Variants in EVPL observed in about 807,000 individuals in gnomAD.
The protein encoded by EVPL is 210 kDa cornified envelope precursor protein.
Under a neutral mutation model 129.7 loss-of-function variants are expected in EVPL, and 94 were observed. The observed-to-expected ratio is 0.72, with a 90% confidence interval of 0.61 to 0.86. The LOEUF is 0.86. Among genes scored for constraint, EVPL ranks in the 40% least tolerant of loss-of-function variants. The pLI is 0.00. For missense variants in EVPL, 2,625 were observed against 2,721.1 expected, an observed-to-expected ratio of 0.96 and a Z score of 0.79; for synonymous variants, 1,172 against 1,191.1, an observed-to-expected ratio of 0.98 and a Z score of 0.33.
Position 76,015,252 on chromosome 17 carries a change from A to G in EVPL, c.2003T>C (p.Leu668Pro). 6.2e-7 allele frequency: 1 copy of G among 1,600,728 alleles called. No individual in the cohort carries two copies. The highest frequency in any genetic ancestry group is 8.5e-7 in the Non-Finnish European group (1 of 1,177,640). Residue 668 changes from leucine (L) to proline (P), a missense_variant, in exon 16 of 22, where the codon CTG becomes CCG. This residue lies in a region of EVPL where 1,024 missense variants were observed against 997.5 expected (regional missense o/e 1.03). Coordinates refer to ENST00000301607, the MANE Select transcript of EVPL (RefSeq NM_001988.4). ...EAPIPAEPGA[L>P]QERVSELQRQ... is the part of the protein sequence containing the mutation. ...CTGCAGCTCGCTGACCCTCTCCTGC[A>G]GAGCCCCCGGTTCAGCAGGGATGGG...
intron 9 of EVPL, among the ~76,000 whole-genome samples, chr17:76,021,029 C>T (rs1712657544): frequency 6.6e-6 from 1 of 152,188 alleles, no homozygotes; most frequent in African/African-American, 2.4e-5. Flanking sequence ...TTCTTTCCCT[C>T]TGGGACCGAG....
In EVPL at chr17:76,015,630, T is replaced by C. The variant is rs2066414743; in HGVS notation, c.1711-2A>G. The C allele has an allele frequency of 6.2e-7, 1 of 1,610,924 alleles. No individual in the cohort carries two copies. Among genetic ancestry groups the C allele is most frequent in the Non-Finnish European group, 8.5e-7 (1 of 1,178,394 alleles). ...GCTCTGCAGGCGCTGGGCTGTGCCC[T>C]AAAGAGGGGCGGGGTCAGGGATCTC... On this transcript the variant is annotated splice_acceptor_variant, in intron 14 of 21. Transcript: ENST00000301607. LOFTEE classifies it high-confidence loss of function.
rs959481933 is a variant in EVPL, at chr17:76,013,013, G to C, written c.2374-924C>G. On this transcript the variant is annotated intron_variant, in intron 18 of 21. Coordinates refer to ENST00000301607, the MANE Select transcript of EVPL (RefSeq NM_001988.4). This position sits in a 1 kb window ranked among gnomAD's most constrained non-coding sequence, Gnocchi z 4.3. Reference sequence around the variant, plus strand: ...CCCGCCTTGGCCTCCCAAAGTGCTGGGATTACAGGCGTGAGCCACCGCGCC... The same window carrying C: ...CCCGCCTTGGCCTCCCAAAGTGCTGCGATTACAGGCGTGAGCCACCGCGCC... Among the ~76,000 whole-genome samples, 2 of 152,112 alleles carry C rather than the reference G, an allele frequency of 1.3e-5. No homozygotes were observed. Among genetic ancestry groups the C allele is most frequent in the Non-Finnish European group, 2.9e-5 (2 of 68,014 alleles).
Position 76,021,676 on chromosome 17 carries a change from G to A in EVPL, c.913C>T (p.Gln305Ter). 7.0e-7 allele frequency: 1 copy of A among 1,427,576 alleles called. No homozygotes were observed. The highest frequency in any genetic ancestry group is 9.4e-7 in the Non-Finnish European group (1 of 1,067,844). The allele number at this position is 1,427,576 out of a possible 1,614,324, so 88.4% of individuals were successfully genotyped here. A position where few individuals can be genotyped will look rare whatever the true frequency, so the allele number is the denominator to read the frequency against. Residue 305 changes from glutamine (Q) to a stop codon, truncating the protein, a stop_gained and splice_region_variant, in exon 8 of 22, where the codon CAG (glutamine) becomes TAG (stop). Coordinates refer to ENST00000301607, the MANE Select transcript of EVPL (RefSeq NM_001988.4). LOFTEE classifies it high-confidence loss of function. ...ACTCTCGCCCTGCCCCAGCGCACCT[G>A]GATGGGCCCCACCGCGGGGTGCCGC... ...ELRHPAVGPIQAHQEALKMEW... is the reference protein window; with the variant it reads ...ELRHPAVGPI
rs775741339 is a variant in EVPL, at chr17:76,010,257, C to T, written c.2948G>A (p.Gly983Asp). 1 of 1,613,984 alleles carries T rather than the reference C, an allele frequency of 6.2e-7. No individual in the cohort carries two copies. Among genetic ancestry groups the T allele is most frequent in the African/African-American group, 1.3e-5 (1 of 75,048 alleles). Residue 983 changes from glycine to aspartate, a missense_variant, in exon 22 of 22, where the codon GGC becomes GAC. Gly to Asp is a moderately conservative substitution (Grantham distance 94). This residue lies in a region of EVPL where 1,453 missense variants were observed against 1,511.8 expected (regional missense o/e 0.96). Transcript: ENST00000301607. ...SRVKAQVEEE[G>D]KRRAGLQADL... ...TGCCTGCAGGCCAGCCCGCCGCTTG[C>T]CCTCCTCCTCCACCTGGGCCTTCAC... is the stretch of plus-strand genomic sequence containing the variant.
rs775879347 is a variant in EVPL at position 76,022,263 on chromosome 17, G to T, written c.607-36C>A. 1.9e-6 allele frequency: 3 copies of T among 1,612,154 alleles called. No individual in the cohort carries two copies. The highest frequency in any genetic ancestry group is 1.1e-5 in the South Asian group (1 of 90,900). On this transcript the variant is annotated intron_variant, in intron 5 of 21. Transcript: ENST00000301607. This position sits in a 1 kb window ranked among gnomAD's most constrained non-coding sequence, Gnocchi z 5.6. Reference sequence around the variant, plus strand: ...CAAGGGGAGAAACAAGCCCGTGAGAGGTGGGGTGCAGGGAGACGGCCCCCT... The same window carrying T: ...CAAGGGGAGAAACAAGCCCGTGAGATGTGGGGTGCAGGGAGACGGCCCCCT...
chr17:76,019,211 C>T, intron 10 of EVPL, 151 bp from the exon 11 acceptor site: 1 of 865,666 alleles, frequency 1.2e-6, no homozygotes, highest in South Asian at 2.3e-5. Context: ...CTCTGGGGGA[C>T]CTAGGATCCT....
intron 1 of EVPL, among the ~76,000 whole-genome samples, chr17:76,025,863 A>G (rs1316074486): frequency 6.6e-6 from 1 of 152,208 alleles, no homozygotes; most frequent in Non-Finnish European, 1.5e-5. Flanking sequence ...CAGATTGCTG[A>G]GGCTGGGCTC....
intron 8 of EVPL, 48 bp from the exon 9 acceptor site, chr17:76,021,611 G>GCCC: frequency 8.3e-7 from 1 of 1,202,148 alleles, no homozygotes; most frequent in Non-Finnish European, 1.1e-6. Context: ...CCCCACGTCC[G>GCCC]CCCCACCTCC....
At position 76,025,953 on chromosome 17, in the gene EVPL, G is replaced by C. The variant is rs113080287; in HGVS notation, c.98+1148C>G. ...GAAAAGGAAGCCCCAGCTCTATTTT[G>C]TTTTAACAGACAGGGTCTTGCTCTG... On this transcript the variant is annotated intron_variant, in intron 1 of 21. Coordinates refer to ENST00000301607, the MANE Select transcript of EVPL (RefSeq NM_001988.4). Among the ~76,000 whole-genome samples, 1,413 of 152,318 alleles carry C rather than the reference G, an allele frequency of 9.3e-3. 22 individuals are homozygous for C. The highest frequency in any genetic ancestry group is 0.033 in the African/African-American group (1,356 of 41,560).
rs763281211 is a variant in EVPL at position 76,021,518 on chromosome 17, G to A, written c.961C>T (p.Leu321=). 2.5e-6 allele frequency: 4 copies of A among 1,610,174 alleles called. No individual in the cohort carries two copies. Among genetic ancestry groups the A allele is most frequent in the African/African-American group, 2.7e-5 (2 of 74,894 alleles). The change falls in exon 9 of 22, where the codon CTG becomes TTG. Residue 321 remains leucine (L), a synonymous_variant. Transcript: ENST00000301607. ...LKMEWQNFLN[L]CICQETQLQH... Reference sequence around the variant, plus strand: ...AGCTGGGTCTCCTGGCAGATACACAGGTTCAGGAAGTTCTGCCACTCCATC... The same window carrying A: ...AGCTGGGTCTCCTGGCAGATACACAAGTTCAGGAAGTTCTGCCACTCCATC...
In EVPL at chr17:76,009,171, C is replaced by T. The variant is rs373479315; in HGVS notation, c.4034G>A (p.Arg1345Gln). The T allele has an allele frequency of 3.2e-5, 52 of 1,611,486 alleles. No homozygotes were observed. Among genetic ancestry groups the T allele is most frequent in the Non-Finnish European group, 3.8e-5 (45 of 1,179,892 alleles). Residue 1345 changes from arginine to glutamine, a missense_variant, in exon 22 of 22, where the codon CGG becomes CAG. This residue lies in a region of EVPL where 1,453 missense variants were observed against 1,511.8 expected (regional missense o/e 0.96). Coordinates refer to ENST00000301607, the MANE Select transcript of EVPL (RefSeq NM_001988.4). The surrounding 1 kb of genome is among the most constrained non-coding windows in gnomAD (Gnocchi z 5.9). ...CTCGTACACCGCGTCCTCCGCGGCC[C>T]GCCTCTTCTGGGCCGCCTCCCGCAC... Reference protein sequence around the residue: ...QEVREAAQKRRAAEDAVYELQ... With the variant: ...QEVREAAQKRQAAEDAVYELQ...
At position 76,014,489 on chromosome 17, in the gene EVPL, G is replaced by T. The variant is rs1421283418; in HGVS notation, c.2310C>A (p.Pro770=). The part of the protein sequence containing the change: ...DNLSSWLEHL[P]RSQVRPSDGP... ...CGTCGCTGGGCCGCACCTGGCTGCG[G>T]GGCAGGTGCTCCAGCCAGGAGCTCA... The change falls in exon 18 of 22, where the codon CCC becomes CCA. Residue 770 remains proline, a synonymous_variant. Transcript: ENST00000301607. The T allele has an allele frequency of 1.9e-6, 3 of 1,611,742 alleles. No homozygotes were observed. Among genetic ancestry groups the T allele is most frequent in the East Asian group, 4.5e-5 (2 of 44,838 alleles).
chr17:76,016,532 T>C (rs936151998), intron 14 of EVPL, among the ~76,000 whole-genome samples: 1 of 152,138 alleles, frequency 6.6e-6, no homozygotes, highest in African/African-American at 2.4e-5. Context: ...GGGGGATTGT[T>C]TGAGACCAGG....
intron 21 of EVPL, 79 bp from the exon 22 acceptor site, chr17:76,010,622 C>A: frequency 6.9e-7 from 1 of 1,443,656 alleles, no homozygotes; most frequent in Non-Finnish European, 9.2e-7. Flanking sequence ...ATGAAAGACC[C>A]CTCCCTGTTT....
Position 76,007,985 on chromosome 17 carries a change from G to A in EVPL, c.5220C>T (p.Asp1740=). 1 of 1,614,088 alleles carries A rather than the reference G, an allele frequency of 6.2e-7. No homozygotes were observed. The highest frequency in any genetic ancestry group is 8.5e-7 in the Non-Finnish European group (1 of 1,180,024). The change falls in exon 22 of 22, where the codon GAC becomes GAT. Residue 1740 remains aspartate (D), a synonymous_variant. Transcript: ENST00000301607. The surrounding 1 kb of genome is among the most constrained non-coding windows in gnomAD (Gnocchi z 8.8). ...GPCGEESVLL[D]RKSGKQYSIE... is the part of the protein sequence containing the mutation. ...TGGAGTACTGCTTCCCGCTCTTGCG[G>A]TCCAGGAGCACAGACTCCTCCCCAC...
intron 2 of EVPL, among the ~76,000 whole-genome samples, 176 bp downstream of exon 2, chr17:76,023,845 G>C (rs1346629382): frequency 6.6e-6 from 1 of 152,224 alleles, no homozygotes; most frequent in Non-Finnish European, 1.5e-5. Flanking sequence ...GCCCAGAAAA[G>C]AAGGAAGCTG....
chr17:76,015,638 G>C lies in EVPL; in HGVS notation c.1711-10C>G, dbSNP rs967528259. 6.2e-7 allele frequency: 1 copy of C among 1,608,978 alleles called. No homozygotes were observed. The highest frequency in any genetic ancestry group is 1.3e-5 in the African/African-American group (1 of 74,832). On this transcript the variant is annotated splice_polypyrimidine_tract_variant and intron_variant, in intron 14 of 21. Transcript: ENST00000301607. ...GGCGCTGGGCTGTGCCCTAAAGAGGGGCGGGGTCAGGGATCTCTGGGCAGG... is the reference window on the plus strand; with the variant it reads ...GGCGCTGGGCTGTGCCCTAAAGAGGCGCGGGGTCAGGGATCTCTGGGCAGG...
rs1031383174 is a variant in EVPL, at chr17:76,008,221, G to C, written c.4984C>G (p.Leu1662Val). Residue 1662 changes from leucine (L) to valine (V), a missense_variant, in exon 22 of 22, where the codon CTC becomes GTC. Physicochemically the swap from Leu to Val is conservative, Grantham distance 32 (BLOSUM62 1). Around this residue, in one of 4 missense-constraint regions of EVPL, gnomAD observed 1,453 missense variants for 1,511.8 expected, o/e 0.96. Coordinates refer to ENST00000301607, the MANE Select transcript of EVPL (RefSeq NM_001988.4). The surrounding 1 kb of genome is among the most constrained non-coding windows in gnomAD (Gnocchi z 7.4). ...IYEKERTLRD[L>V]HAKVSREELS... ...TCCTCCCGGCTCACCTTGGCGTGGA[G>C]GTCCCGGAGCGTCCGCTCCTTCTCG... 4.3e-6 allele frequency: 7 copies of C among 1,613,920 alleles called. No homozygotes were observed. Among genetic ancestry groups the C allele is most frequent in the Non-Finnish European group, 5.9e-6 (7 of 1,180,042 alleles).
Sources: gnomAD v4.1 joint callset for allele counts (sites outside exome capture counted in the v4.1 genomes callset) on GRCh38, gnomAD v4.1.1 for gene constraint, gnomAD v4.1.1 regional missense constraint, Gnocchi (gnomAD v3.1) non-coding constraint, MANE v1.5 for transcripts, NCBI Gene and HGNC (gene_info 2026-07-23, HGNC 2026-07-21) for gene names.